The following CNTD1 variants were observed in gnomAD, a reference collection of about 807,000 sequenced individuals.
CNTD1 encodes the protein cyclin N-terminal domain containing 1.
In CNTD1, 17 loss-of-function variants were observed where a neutral mutation model predicts 36.3. That is an observed-to-expected ratio of 0.47 (90% CI 0.32 to 0.70). The LOEUF is 0.70. Among genes scored for constraint, CNTD1 ranks in the 30% least tolerant of loss-of-function variants. CNTD1 has a pLI of 0.03. For missense variants in CNTD1, 338 were observed against 386.1 expected (o/e 0.88, Z 1.04); for synonymous variants, 128 against 153.3 (o/e 0.83, Z 1.22).
In CNTD1 at chr17:42,804,412, T is replaced by C; in HGVS notation, c.417+16T>C. The stretch of plus-strand genomic sequence containing the variant: ...CCGAAACAAAGTAAGGAGCTGGGGT[T>C]GCTCATGGGCACCTGAGTGTTAGGA... On this transcript the variant is annotated intron_variant, in intron 3 of 6. Coordinates refer to ENST00000588408, the MANE Select transcript of CNTD1 (RefSeq NM_173478.3). The C allele has an allele frequency of 6.2e-7, 1 of 1,611,024 alleles. No homozygotes were observed. The highest frequency in any genetic ancestry group is 8.5e-7 in the Non-Finnish European group (1 of 1,178,006).
intron 6 of CNTD1, among the ~76,000 whole-genome samples, chr17:42,808,499 C>G (rs141210346): frequency 2.2e-4 from 33 of 148,274 alleles, no homozygotes; most frequent in Non-Finnish European, 4.0e-4. Context: ...TGCAGTGAGC[C>G]AAGATTTCAC....
intron 6 of CNTD1, among the ~76,000 whole-genome samples, chr17:42,808,351 C>T (rs1424876163): frequency 6.6e-6 from 1 of 151,892 alleles, no homozygotes; most frequent in Non-Finnish European, 1.5e-5. Context: ...GAGTTGGAGA[C>T]CAGCCTGGGC....
At chr17:42,800,780 G>A (rs1250746922) in intron 1 of CNTD1, among the ~76,000 whole-genome samples, 2 of 152,124 alleles carry the variant, frequency 1.3e-5, no homozygotes, top group Non-Finnish European at 2.9e-5. Flanking sequence ...AAACATTCTA[G>A]AGGCAAAGTC....
chr17:42,811,008 C>A lies in CNTD1; in HGVS notation c.*1473C>A. 1 of 1,354,772 alleles carries A rather than the reference C, an allele frequency of 7.4e-7. No individual in the cohort carries two copies. The highest frequency in any genetic ancestry group is 1.6e-5 in the South Asian group (1 of 63,276). The allele number at this position is 1,354,772 out of a possible 1,614,324, so 83.9% of individuals were successfully genotyped here. A position where few individuals can be genotyped will look rare whatever the true frequency, so the allele number is the denominator to read the frequency against. On this transcript the variant is annotated 3_prime_UTR_variant, in exon 7 of 7. Coordinates refer to ENST00000588408, the MANE Select transcript of CNTD1 (RefSeq NM_173478.3). ...TCGGGGCAGGGACTTGATCATGGGA[C>A]CATTCACGTCATTTTATCTATTAAA...
rs1333359389 is a variant in CNTD1 at position 42,811,286 on chromosome 17, C to A, written c.*1751C>A. The A allele has an allele frequency of 1.1e-5, 3 of 277,620 alleles. No individual in the cohort carries two copies. The highest frequency in any genetic ancestry group is 1.4e-4 in the South Asian group (1 of 7,242). The allele number at this position is 277,620 out of a possible 1,614,324, so 17.2% of individuals were successfully genotyped here. Reference sequence around the variant, plus strand: ...CTTTGTTTTGGGGTGATAGAAGCAGCCTTACTCTAAGTAAAAACTAGAGTT... The same window carrying A: ...CTTTGTTTTGGGGTGATAGAAGCAGACTTACTCTAAGTAAAAACTAGAGTT... On this transcript the variant is annotated 3_prime_UTR_variant, in exon 7 of 7. Transcript: ENST00000588408.
rs961210412 is a variant in CNTD1, at chr17:42,806,184, T to C, written c.580+300T>C. The stretch of plus-strand genomic sequence containing the variant: ...TGTAGGTTGCAGTGAGCCGAGATCA[T>C]GCCACTGCACTCCAGCCTGAGCAAC... On this transcript the variant is annotated intron_variant, in intron 4 of 6. Transcript: ENST00000588408. Among the ~76,000 whole-genome samples the C allele has an allele frequency of 3.3e-5, 5 of 150,294 alleles. No homozygotes were observed. In the South Asian group the frequency reaches 6.3e-4, roughly 19 times the overall value.
chr17:42,806,679 A>T lies in CNTD1; in HGVS notation c.586A>T (p.Asn196Tyr), dbSNP rs748618612. The change falls in exon 5 of 7, where the codon AAT becomes TAT. Residue 196 changes from asparagine to tyrosine, a missense_variant. Asn to Tyr is a moderately radical substitution (Grantham distance 143). Transcript: ENST00000588408. The part of the protein sequence containing the change: ...VETLLEVLGY[N>Y]GCLVPAMRLH... The stretch of plus-strand genomic sequence containing the variant: ...CATTCCCATACTCCATCTAGGATAC[A>T]ATGGCTGTTTGGTTCCAGCCATGAG... 3 of 1,613,862 alleles carry T rather than the reference A, an allele frequency of 1.9e-6. No homozygotes were observed. The highest frequency in any genetic ancestry group is 2.5e-6 in the Non-Finnish European group (3 of 1,179,720).
At chr17:42,808,226 A>G (rs766379146) in intron 6 of CNTD1, among the ~76,000 whole-genome samples, 3 of 151,994 alleles carry the variant, frequency 2.0e-5, no homozygotes, top group Non-Finnish European at 4.4e-5. Context: ...CCTGGTCAAC[A>G]CAGCAAGACC....
At chr17:42,805,959 G>GA in intron 4 of CNTD1, 75 bp downstream of exon 4, 1 of 1,381,164 alleles carries the variant, frequency 7.2e-7, no homozygotes, top group Non-Finnish European at 9.9e-7. Context: ...GGGGGGGCAT[G>GA]GCTCATGCCT....
chr17:42,802,665 T>G (rs2054814911), intron 1 of CNTD1, among the ~76,000 whole-genome samples: 1 of 152,194 alleles, frequency 6.6e-6, no homozygotes, highest in Non-Finnish European at 1.5e-5. Flanking sequence ...GTGTGTTGAG[T>G]AGATTGTTAC....
chr17:42,806,885 T>G (rs1243018095), intron 5 of CNTD1, 67 bp downstream of exon 5: 1 of 1,504,712 alleles, frequency 6.6e-7, no homozygotes, highest in Non-Finnish European at 9.2e-7. Context: ...CACAAGAACT[T>G]GGGGAATGGA....
chr17:42,808,603 TG>T (rs2054924221), intron 6 of CNTD1, among the ~76,000 whole-genome samples: 1 of 150,116 alleles, frequency 6.7e-6, no homozygotes, highest in East Asian at 2.0e-4. Context: ...GGTGCATGTC[TG>T]CAGTCCCACA....
rs2054974199 is a variant in CNTD1 at position 42,810,558 on chromosome 17, C to G, written c.*1023C>G. On this transcript the variant is annotated 3_prime_UTR_variant, in exon 7 of 7. Transcript: ENST00000588408. Reference sequence around the variant, plus strand: ...GGTTAAGAATCAAAACTGACCAGGGCTGGCAACTATAGATGGCATGTTGTA... The same window carrying G: ...GGTTAAGAATCAAAACTGACCAGGGGTGGCAACTATAGATGGCATGTTGTA... 2 of 451,780 alleles carry G rather than the reference C, an allele frequency of 4.4e-6. No individual in the cohort carries two copies. The highest frequency in any genetic ancestry group is 7.4e-6 in the Non-Finnish European group (2 of 269,168). The allele number at this position is 451,780 out of a possible 1,614,324, so 28.0% of individuals were successfully genotyped here.
intron 2 of CNTD1, 65 bp from the exon 3 acceptor site, chr17:42,804,160 A>T: frequency 6.9e-7 from 1 of 1,458,222 alleles, no homozygotes; most frequent in Non-Finnish European, 9.4e-7. Flanking sequence ...TTTCTTAACC[A>T]GCAAGTTAAA....
At chr17:42,807,391 G>C (rs2054898159) in intron 5 of CNTD1, among the ~76,000 whole-genome samples, 1 of 151,932 alleles carries the variant, frequency 6.6e-6, no homozygotes, top group African/African-American at 2.4e-5. Context: ...CTCCAGCCTG[G>C]GCAACAGAGA....
chr17:42,801,510 A>AATATAT (rs1216506814), intron 1 of CNTD1, among the ~76,000 whole-genome samples: 67 of 54,310 alleles, frequency 1.2e-3, no homozygotes, highest in South Asian at 1.9e-3. Flanking sequence ...AAAAAAAAAA[A>AATATAT]ATATATATAT....
intron 1 of CNTD1, among the ~76,000 whole-genome samples, chr17:42,801,550 A>C (rs1456617520): frequency 2.0e-5 from 1 of 49,314 alleles, no homozygotes. Context: ...TATATATAAT[A>C]TATGTGTGTG....
intron 1 of CNTD1, among the ~76,000 whole-genome samples, chr17:42,799,585 C>G (rs12939442): frequency 6.6e-6 from 1 of 151,282 alleles, no homozygotes; most frequent in Admixed American, 6.6e-5. Flanking sequence ...AATCCTGTCT[C>G]TACTAAAAGT....
intron 6 of CNTD1, among the ~76,000 whole-genome samples, chr17:42,808,785 C>T (rs1331967152): frequency 1.3e-5 from 2 of 150,634 alleles, no homozygotes; most frequent in Admixed American, 6.6e-5. Context: ...GGGTTGCTCA[C>T]GCCTGTAACT....
Sources: allele counts gnomAD v4.1 joint callset (sites outside exome capture counted in the v4.1 genomes callset), GRCh38; gene constraint gnomAD v4.1.1; transcripts MANE v1.5; gene names NCBI Gene and HGNC (gene_info 2026-07-23, HGNC 2026-07-21).